Variants in RMDN2 observed in about 807,000 individuals in gnomAD.
RMDN2 encodes regulator of microtubule dynamics 2.
A neutral mutation model predicts 52.8 loss-of-function variants in RMDN2; 61 were observed. The ratio of observed to expected loss-of-function variants is 1.16; its 90% CI spans 0.94 to 1.43. RMDN2 has a LOEUF of 1.43. RMDN2 is among the 40% of genes most tolerant of loss of function. RMDN2 has a pLI of 0.00. For synonymous variants in RMDN2, 180 were observed against 153.1 expected (o/e 1.18, Z -1.30); for missense variants, 592 against 475.3 (o/e 1.25, Z -2.28).
chr2:38,059,463 A>G (rs747981743), intron 10 of RMDN2, among the ~76,000 whole-genome samples: 1 of 152,240 alleles, frequency 6.6e-6, no homozygotes, highest in African/African-American at 2.4e-5. Flanking sequence ...CCACCCCTGT[A>G]GAGTTTATAT....
intron 10 of RMDN2, among the ~76,000 whole-genome samples, chr2:38,044,828 T>C (rs1021575336): frequency 6.6e-6 from 1 of 152,164 alleles, no homozygotes; most frequent in Non-Finnish European, 1.5e-5. Context: ...GTGCTTTATA[T>C]AAATATTATG....
At chr2:37,973,278 G>T (rs1283263121) in intron 2 of RMDN2, among the ~76,000 whole-genome samples, 2 of 152,196 alleles carry the variant, frequency 1.3e-5, no homozygotes, top group African/African-American at 4.8e-5. Flanking sequence ...GTAGGCAATA[G>T]TATTAATTTT....
downstream of RMDN2, among the ~76,000 whole-genome samples, chr2:38,021,480 C>G (rs996359888): frequency 3.9e-5 from 6 of 152,244 alleles, no homozygotes; most frequent in South Asian, 8.3e-4. Flanking sequence ...CTGTAACACT[C>G]ACCGCGAAGG....
intron 4 of RMDN2, among the ~76,000 whole-genome samples, chr2:37,977,295 C>G (rs1005181490): frequency 1.3e-5 from 2 of 152,230 alleles, no homozygotes; most frequent in African/African-American, 4.8e-5. Context: ...CACATTTCCC[C>G]CTTTTCTATT....
chr2:37,951,748 C>T, intron 2 of RMDN2: 1 of 1,612,908 alleles, frequency 6.2e-7, no homozygotes, highest in East Asian at 2.2e-5. Flanking sequence ...ATAACCATCT[C>T]TGCTCCTGAA....
At chr2:38,062,516 T>A (rs1682093294) in intron 10 of RMDN2, among the ~76,000 whole-genome samples, 1 of 152,240 alleles carries the variant, frequency 6.6e-6, no homozygotes. Context: ...TCATGATGAA[T>A]GCAGCTGCTG....
At chr2:38,024,834 G>C (rs1358433957) in intron 10 of RMDN2, among the ~76,000 whole-genome samples, 3 of 152,026 alleles carry the variant, frequency 2.0e-5, no homozygotes, top group Non-Finnish European at 4.4e-5. Flanking sequence ...CTCAAAATCA[G>C]CTTTCCATAT....
chr2:38,051,678 C>A (rs1403117648), intron 10 of RMDN2, among the ~76,000 whole-genome samples: 1 of 152,170 alleles, frequency 6.6e-6, no homozygotes, highest in East Asian at 1.9e-4. Context: ...TTCATCCTCT[C>A]CCCCTACACA....
At chr2:37,999,502 G>T (rs1271426157) in intron 8 of RMDN2, among the ~76,000 whole-genome samples, 1 of 152,154 alleles carries the variant, frequency 6.6e-6, no homozygotes, top group Non-Finnish European at 1.5e-5. Context: ...GTCTCAAAAT[G>T]CCTTCCATGT....
chr2:38,062,051 G>A (rs1484953230), intron 10 of RMDN2, among the ~76,000 whole-genome samples: 1 of 152,170 alleles, frequency 6.6e-6, no homozygotes, highest in Admixed American at 6.5e-5. Context: ...ACCTGCCAAT[G>A]TCAGTTCAGC....
In RMDN2 at chr2:37,974,283, A is replaced by G. The variant is rs950228664; in HGVS notation, c.627+69A>G. On this transcript the variant is annotated intron_variant, in intron 3 of 10. Coordinates refer to ENST00000354545, the MANE Select transcript of RMDN2 (RefSeq NM_001170791.3). The stretch of plus-strand genomic sequence containing the variant: ...ATTTAATCTGCCATCTGTTTCAGTT[A>G]TAACTATAATAATTGTGTCATGGTT... The G allele has an allele frequency of 9.2e-6, 9 of 978,126 alleles. No homozygotes were observed. In the East Asian group the frequency reaches 2.6e-4, roughly 28 times the overall value. 60.6% of individuals were successfully genotyped at this position (978,126 alleles called of 1,614,324 possible). A position where few individuals can be genotyped will look rare whatever the true frequency, so the allele number is the denominator to read the frequency against.
chr2:37,933,550 G>C (rs553976115), intron 2 of RMDN2, among the ~76,000 whole-genome samples: 1 of 152,230 alleles, frequency 6.6e-6, no homozygotes, highest in African/African-American at 2.4e-5. Flanking sequence ...CTGGCGGATC[G>C]CTCGCGGTTA....
At chr2:37,924,916 T>G (rs1431993776), upstream of RMDN2, among the ~76,000 whole-genome samples, 2 of 151,182 alleles carry the variant, frequency 1.3e-5, no homozygotes, top group East Asian at 3.9e-4. Flanking sequence ...TCGTGAGGAG[T>G]AAAGTGCAAG....
Position 37,982,726 on chromosome 2 carries a change from G to C in RMDN2, c.791+1383G>C, listed in dbSNP as rs545068781. Among the ~76,000 whole-genome samples the C allele has an allele frequency of 3.3e-4, 50 of 152,230 alleles. 1 individual carries two copies. Among genetic ancestry groups the C allele is most frequent in the Middle Eastern group, 3.4e-3 (1 of 294 alleles). ...TTCTAGGGAAAAAGGTAATTTTTCA[G>C]GTAACAATTTGGTACAGACTTAAGA... On this transcript the variant is annotated intron_variant, in intron 5 of 10. Transcript: ENST00000354545.
At chr2:37,995,031 G>C (rs1334323411) in intron 7 of RMDN2, among the ~76,000 whole-genome samples, 1 of 152,132 alleles carries the variant, frequency 6.6e-6, no homozygotes, top group Non-Finnish European at 1.5e-5. Flanking sequence ...GAACTTTTTA[G>C]GATGATGAAA....
At chr2:38,057,245 C>T (rs1381389421) in intron 10 of RMDN2, among the ~76,000 whole-genome samples, 1 of 152,202 alleles carries the variant, frequency 6.6e-6, no homozygotes, top group Non-Finnish European at 1.5e-5. Flanking sequence ...TTTGCAGGTG[C>T]CTTGTGGTCT....
At chr2:37,928,817 G>T (rs1472904077) in intron 1 of RMDN2, 1 of 152,148 alleles carries the variant, frequency 6.6e-6, no homozygotes, top group Non-Finnish European at 1.5e-5. Flanking sequence ...AAAAAAACCT[G>T]TTATTTCTTG....
chr2:38,040,828 CTAT>C (rs1553388274), intron 10 of RMDN2, among the ~76,000 whole-genome samples: 1 of 152,142 alleles, frequency 6.6e-6, no homozygotes, highest in Non-Finnish European at 1.5e-5. Flanking sequence ...ATCTTAAACA[CTAT>C]TGAGTCTTTT....
intron 2 of RMDN2, among the ~76,000 whole-genome samples, chr2:37,943,276 G>A (rs1015353784): frequency 6.6e-6 from 1 of 152,132 alleles, no homozygotes; most frequent in Admixed American, 6.6e-5. Context: ...GGATAAGCCT[G>A]AAAAAGAAGA....
Sources: allele counts gnomAD v4.1 joint callset (sites outside exome capture counted in the v4.1 genomes callset), GRCh38; gene constraint gnomAD v4.1.1; transcripts MANE v1.5; gene names NCBI Gene and HGNC (gene_info 2026-07-23, HGNC 2026-07-21).